The following THEMIS variants were observed in gnomAD, a reference collection of about 807,000 sequenced individuals.
THEMIS encodes protein THEMIS.
Under a neutral mutation model 52.6 loss-of-function variants are expected in THEMIS, and 37 were observed. The observed-to-expected ratio is 0.70, with a 90% CI of 0.54 to 0.93. The LOEUF is 0.93. THEMIS is among the 40% of genes least tolerant of loss of function. The pLI, the probability that THEMIS is intolerant of heterozygous loss-of-function variation, is 0.00. For synonymous variants in THEMIS, 292 were observed against 272.7 expected, an observed-to-expected ratio of 1.07 and a Z score of -0.70; for missense variants, 808 against 763.1, an observed-to-expected ratio of 1.06 and a Z score of -0.69.
At chr6:127,841,808 A>C (rs1360568912) in intron 2 of THEMIS, among the ~76,000 whole-genome samples, 1 of 152,020 alleles carries the variant, frequency 6.6e-6, no homozygotes, top group Non-Finnish European at 1.5e-5. Context: ...ATTTTCTTGC[A>C]TAGTTTATAC....
intron 4 of THEMIS, among the ~76,000 whole-genome samples, chr6:127,780,267 T>C (rs528909632): frequency 1.3e-5 from 2 of 152,338 alleles, no homozygotes; most frequent in African/African-American, 4.8e-5. Context: ...TATTCTTCCA[T>C]CCCTTTATTT....
intron 3 of THEMIS, among the ~76,000 whole-genome samples, chr6:127,829,226 T>C (rs976394095): frequency 6.6e-6 from 1 of 152,246 alleles, no homozygotes; most frequent in African/African-American, 2.4e-5. Context: ...TTGATCTGTC[T>C]GTTCCTGATA....
chr6:127,893,593 C>A (rs1780875666), intron 1 of THEMIS, among the ~76,000 whole-genome samples: 1 of 152,096 alleles, frequency 6.6e-6, no homozygotes. Flanking sequence ...ATCGATACGG[C>A]TCCTAAAATA....
downstream of THEMIS, chr6:127,707,936 T>C (rs1027885326): frequency 6.6e-6 from 1 of 152,096 alleles, no homozygotes; most frequent in Non-Finnish European, 1.5e-5. Context: ...AAGAGGCCAA[T>C]ATTAATAATT....
In THEMIS at chr6:127,804,790, A is replaced by C. The variant is rs370092741; in HGVS notation, c.1758+8093T>G. ...GACTTTGTGTTTTATCCTATTTCACAACTGGTAATTGCATACTTTTAAGAC... is the reference window on the plus strand; with the variant it reads ...GACTTTGTGTTTTATCCTATTTCACCACTGGTAATTGCATACTTTTAAGAC... On this transcript the variant is annotated intron_variant, in intron 4 of 5. Transcript: ENST00000368248. Among the ~76,000 whole-genome samples the C allele has an allele frequency of 1.8e-4, 28 of 152,278 alleles. No homozygotes were observed. In the South Asian group the frequency reaches 5.8e-3, roughly 32 times the overall value.
At chr6:127,806,739 A>G (rs1777722480) in intron 4 of THEMIS, among the ~76,000 whole-genome samples, 1 of 152,222 alleles carries the variant, frequency 6.6e-6, no homozygotes, top group South Asian at 2.1e-4. Flanking sequence ...GTATCAACAC[A>G]GTACATGTCA....
chr6:127,731,784 G>C (rs1465964893), intron 4 of THEMIS, among the ~76,000 whole-genome samples: 1 of 138,770 alleles, frequency 7.2e-6, no homozygotes, highest in Non-Finnish European at 1.5e-5. Context: ...TGCAACCTCT[G>C]CTTGCCAGGT....
chr6:127,756,229 C>T (rs1057116759), intron 4 of THEMIS, among the ~76,000 whole-genome samples: 1 of 152,086 alleles, frequency 6.6e-6, no homozygotes, highest in South Asian at 2.1e-4. Flanking sequence ...CAAACATCTC[C>T]TTAATCTGTA....
At chr6:127,869,611 T>A (rs1780093851) in intron 1 of THEMIS, among the ~76,000 whole-genome samples, 1 of 152,210 alleles carries the variant, frequency 6.6e-6, no homozygotes, top group South Asian at 2.1e-4. Flanking sequence ...TAAAGTTTTA[T>A]TCAAAGGCTT....
intron 1 of THEMIS, among the ~76,000 whole-genome samples, chr6:127,863,840 CA>C (rs1214188949): frequency 6.6e-6 from 1 of 152,160 alleles, no homozygotes; most frequent in Non-Finnish European, 1.5e-5. Flanking sequence ...TTCACACTAG[CA>C]ATATTTGGCT....
chr6:127,809,251 T>TA (rs1479795625), intron 4 of THEMIS, among the ~76,000 whole-genome samples: 5 of 152,096 alleles, frequency 3.3e-5, no homozygotes, highest in African/African-American at 1.2e-4. Context: ...CTATGAAGTA[T>TA]AAAAAATGTT....
intron 2 of THEMIS, among the ~76,000 whole-genome samples, chr6:127,837,929 G>A (rs764988633): frequency 4.6e-5 from 7 of 151,912 alleles, no homozygotes; most frequent in African/African-American, 1.7e-4. Context: ...TGATTTACCC[G>A]ATTCCTCACT....
At chr6:127,849,945 C>A (rs1779363848) in intron 2 of THEMIS, among the ~76,000 whole-genome samples, 1 of 152,050 alleles carries the variant, frequency 6.6e-6, no homozygotes, top group African/African-American at 2.4e-5. Flanking sequence ...GCAGAGTAAA[C>A]AGACAACCCA....
In THEMIS at chr6:127,900,948, A is replaced by G; in HGVS notation, c.-16T>C. The G allele has an allele frequency of 6.2e-7, 1 of 1,605,348 alleles. No individual in the cohort carries two copies. The highest frequency in any genetic ancestry group is 1.3e-5 in the African/African-American group (1 of 74,704). ...ATAATGCCATTGCTATGCCTTGGGT[A>G]GTTTGTAGACCTGGTGCTCACAGAA... is the stretch of plus-strand genomic sequence containing the variant. On this transcript the variant is annotated 5_prime_UTR_variant, in exon 1 of 6. Coordinates refer to ENST00000368248, the MANE Select transcript of THEMIS (RefSeq NM_001010923.3).
intron 4 of THEMIS, among the ~76,000 whole-genome samples, chr6:127,810,450 C>T (rs1680891922): frequency 6.6e-6 from 1 of 152,094 alleles, no homozygotes; most frequent in South Asian, 2.1e-4. Flanking sequence ...TGGGCAGAGC[C>T]CTCATTAATG....
chr6:127,749,040 T>A (rs530058748), intron 4 of THEMIS, among the ~76,000 whole-genome samples: 1 of 152,058 alleles, frequency 6.6e-6, no homozygotes, highest in Admixed American at 6.6e-5. Context: ...CTCATTTAGT[T>A]TAACATTCCA....
chr6:127,896,993 G>A (rs1402929443), intron 1 of THEMIS, among the ~76,000 whole-genome samples: 1 of 151,364 alleles, frequency 6.6e-6, no homozygotes, highest in Non-Finnish European at 1.5e-5. Context: ...CAGCATAAAA[G>A]GGAAAAGACC....
intron 1 of THEMIS, among the ~76,000 whole-genome samples, chr6:127,863,754 A>T (rs746232393): frequency 1.3e-5 from 2 of 152,180 alleles, no homozygotes; most frequent in Non-Finnish European, 2.9e-5. Context: ...AAGACTAAAT[A>T]GTAGCTGTCA....
intron 2 of THEMIS, among the ~76,000 whole-genome samples, chr6:127,849,233 T>A (rs1779334296): frequency 6.6e-6 from 1 of 152,044 alleles, no homozygotes. Context: ...ATCAGATAGT[T>A]GTAGATATGC....
Sources: gnomAD v4.1 joint callset for allele counts (sites outside exome capture counted in the v4.1 genomes callset) on GRCh38, gnomAD v4.1.1 for gene constraint, MANE v1.5 for transcripts, NCBI Gene and HGNC (gene_info 2026-07-23, HGNC 2026-07-21) for gene names.